KMT2C: variants seen among roughly 807,000 people sequenced by gnomAD.
KMT2C encodes the protein histone-lysine N-methyltransferase 2C.
Under a neutral mutation model 507.9 loss-of-function variants are expected in KMT2C, and 88 were observed. That is an observed-to-expected ratio of 0.17 (90% CI 0.15 to 0.21). The LOEUF is 0.21. Among genes scored for constraint, KMT2C ranks in the 10% least tolerant of loss-of-function variants. The pLI is 1.00. For synonymous variants in KMT2C, 2,049 were observed against 2,080.8 expected, an observed-to-expected ratio of 0.98 and a Z score of 0.42; for missense variants, 4,954 against 5,957.8, an observed-to-expected ratio of 0.83 and a Z score of 5.55.
chr7:152,332,742 G>C (rs1290045124), intron 2 of KMT2C, among the ~76,000 whole-genome samples: 2 of 152,012 alleles, frequency 1.3e-5, no homozygotes, highest in Admixed American at 1.3e-4. Flanking sequence ...CAGCTACTCG[G>C]GAGGCTGAGG....
chr7:152,244,125 C>T (rs896663449), intron 14 of KMT2C, among the ~76,000 whole-genome samples: 3 of 152,058 alleles, frequency 2.0e-5, no homozygotes, highest in Non-Finnish European at 4.4e-5. Context: ...CTTTATTTTC[C>T]ACCATTTTTA....
chr7:152,209,192 C>T (rs1203682601), intron 23 of KMT2C, among the ~76,000 whole-genome samples: 1 of 150,996 alleles, frequency 6.6e-6, no homozygotes, highest in South Asian at 2.1e-4. Flanking sequence ...CACGGTGGCT[C>T]ACGCCTGTAA....
chr7:152,222,196 A>T (rs2094794782), intron 21 of KMT2C, 130 bp from the exon 22 acceptor site: 11 of 612,128 alleles, frequency 1.8e-5, no homozygotes, highest in Admixed American at 3.8e-5. Flanking sequence ...CACTAAAGTT[A>T]AAAGTGCTTT....
intron 1 of KMT2C, among the ~76,000 whole-genome samples, chr7:152,434,680 G>A (rs963580013): frequency 6.6e-6 from 1 of 152,166 alleles, no homozygotes; most frequent in African/African-American, 2.4e-5. Flanking sequence ...CACAGAAGCC[G>A]AGCAGTTCGC....
intron 9 of KMT2C, among the ~76,000 whole-genome samples, chr7:152,254,382 T>A (rs2095611192): frequency 6.6e-6 from 1 of 152,140 alleles, no homozygotes; most frequent in Admixed American, 6.5e-5. Context: ...ATAATAACTA[T>A]GCCCAGGTGG....
At chr7:152,190,486 G>T (rs1393544367) in intron 31 of KMT2C, among the ~76,000 whole-genome samples, 9 of 152,200 alleles carry the variant, frequency 5.9e-5, no homozygotes, top group African/African-American at 2.2e-4. Flanking sequence ...AGGTTATTAT[G>T]TTCAGCTCCA....
chr7:152,183,247 G>T, intron 34 of KMT2C, 91 bp from the exon 35 acceptor site: 3 of 1,079,468 alleles, frequency 2.8e-6, no homozygotes, highest in Non-Finnish European at 3.9e-6. Context: ...TCAAATAAAA[G>T]AAAAAAAAGT....
At position 152,176,641 on chromosome 7, in the gene KMT2C, G is replaced by T; in HGVS notation, c.8812C>A (p.Pro2938Thr). The change falls in exon 38 of 59, where the codon CCA becomes ACA. Residue 2938 changes from proline (P) to threonine (T), a missense_variant. Physicochemically the swap from Pro to Thr is conservative, Grantham distance 38. Transcript: ENST00000262189. ...DNSDIRPSGS[P>T]PPPTLPASPS... is the part of the protein sequence containing the mutation. ...GAGGCCGGCAGAGTTGGTGGTGGTG[G>T]AGACCCCGATGGCCTAATGTCTGAA... is the stretch of plus-strand genomic sequence containing the variant. 12 of 1,614,218 alleles carry T rather than the reference G, an allele frequency of 7.4e-6. No individual in the cohort carries two copies. Among genetic ancestry groups the T allele is most frequent in the Non-Finnish European group, 9.3e-6 (11 of 1,180,044 alleles).
At chr7:152,246,491 A>G (rs1195982792) in intron 14 of KMT2C, among the ~76,000 whole-genome samples, 1 of 152,142 alleles carries the variant, frequency 6.6e-6, no homozygotes, top group Non-Finnish European at 1.5e-5. Context: ...GTCCTAATGT[A>G]TTGAACCTGG....
intron 1 of KMT2C, among the ~76,000 whole-genome samples, chr7:152,412,354 T>A (rs1477144429): frequency 1.3e-5 from 2 of 152,174 alleles, no homozygotes; most frequent in Non-Finnish European, 2.9e-5. Flanking sequence ...TGAGCTGAGA[T>A]CCTGCCACTG....
At chr7:152,392,028 C>T (rs534306912) in intron 1 of KMT2C, among the ~76,000 whole-genome samples, 2 of 152,216 alleles carry the variant, frequency 1.3e-5, no homozygotes, top group East Asian at 3.9e-4. Flanking sequence ...CATTTCAACC[C>T]CATACCCTAC....
At position 152,177,229 on chromosome 7, in the gene KMT2C, C is replaced by G. The variant is rs1404141864; in HGVS notation, c.8224G>C (p.Asp2742His). ...CTTAAGAGGTCATCCAGGTTGGGAT[C>G]ATTAGTTTCCAAATTATCTAAAGTA... is the stretch of plus-strand genomic sequence containing the variant. Reference protein sequence around the residue: ...LDTLDNLETNDPNLDDLLRSG... With the variant: ...LDTLDNLETNHPNLDDLLRSG... The change falls in exon 38 of 59, where the codon GAT becomes CAT. Residue 2742 changes from aspartate to histidine, a missense_variant. By Grantham distance (81) the Asp-to-His change is moderately conservative (BLOSUM62 -1). Transcript: ENST00000262189. The G allele has an allele frequency of 1.2e-6, 2 of 1,613,840 alleles. No homozygotes were observed. The highest frequency in any genetic ancestry group is 1.7e-6 in the Non-Finnish European group (2 of 1,179,932).
chr7:152,410,393 C>T (rs1243581296), intron 1 of KMT2C, among the ~76,000 whole-genome samples: 1 of 143,978 alleles, frequency 6.9e-6, no homozygotes, highest in African/African-American at 2.6e-5. Context: ...GCTTGGGCGA[C>T]GGAGGAAGAC....
Position 152,435,805 on chromosome 7 carries a change from C to G in KMT2C, c.-19G>C. ...ACGACATCCTAGTCACCAGGAAAGACACATGGATCCCGGTCCTCCTCCTGG... is the reference window on the plus strand; with the variant it reads ...ACGACATCCTAGTCACCAGGAAAGAGACATGGATCCCGGTCCTCCTCCTGG... On this transcript the variant is annotated 5_prime_UTR_variant, in exon 1 of 59. Transcript: ENST00000262189. 7.4e-7 allele frequency: 1 copy of G among 1,356,288 alleles called. No individual in the cohort carries two copies. Among genetic ancestry groups the G allele is most frequent in the African/African-American group, 1.5e-5 (1 of 64,898 alleles). 84.0% of individuals were successfully genotyped at this position (1,356,288 alleles called of 1,614,324 possible).
chr7:152,375,176 G>A (rs905318569), intron 1 of KMT2C, among the ~76,000 whole-genome samples: 1 of 152,186 alleles, frequency 6.6e-6, no homozygotes, highest in African/African-American at 2.4e-5. Flanking sequence ...ATGAGTAGCT[G>A]AGACTACAGG....
chr7:152,279,460 T>C (rs1340142100), intron 6 of KMT2C, among the ~76,000 whole-genome samples: 2 of 152,086 alleles, frequency 1.3e-5, no homozygotes, highest in Non-Finnish European at 2.9e-5. Flanking sequence ...CCCACCCTAA[T>C]ACTGTGTTTA....
intron 2 of KMT2C, among the ~76,000 whole-genome samples, chr7:152,342,870 G>A (rs986933883): frequency 2.5e-4 from 38 of 152,130 alleles, no homozygotes; most frequent in Non-Finnish European, 1.5e-4. Context: ...CCTAACCTAC[G>A]AGAAGAGAAA....
At chr7:152,286,936 G>A (rs2096309841) in intron 6 of KMT2C, among the ~76,000 whole-genome samples, 1 of 152,084 alleles carries the variant, frequency 6.6e-6, no homozygotes. Flanking sequence ...AAAACTCATA[G>A]ACAACAACAA....
At chr7:152,151,642 G>C in intron 49 of KMT2C, 61 bp from the exon 50 acceptor site, 1 of 1,472,148 alleles carries the variant, frequency 6.8e-7, no homozygotes, top group Non-Finnish European at 9.4e-7. Flanking sequence ...GTGGCACATG[G>C]TGAAAAATTA....
Sources: gnomAD v4.1 joint callset for allele counts (sites outside exome capture counted in the v4.1 genomes callset) on GRCh38, gnomAD v4.1.1 for gene constraint, MANE v1.5 for transcripts, NCBI Gene and HGNC (gene_info 2026-07-23, HGNC 2026-07-21) for gene names.